The following CHN2 variants were observed in gnomAD, a reference collection of about 807,000 sequenced individuals.
CHN2 encodes chimerin 2, also known as beta-chimaerin.
CHN2 carries 35 observed loss-of-function variants against 56.3 expected under a neutral mutation model. The observed-to-expected ratio is 0.62, with a 90% CI of 0.47 to 0.82. CHN2 has a LOEUF of 0.82. Among genes scored for constraint, CHN2 ranks in the 40% least tolerant of loss-of-function variants. The pLI is 0.00. For synonymous variants in CHN2, 210 were observed against 212.8 expected, an observed-to-expected ratio of 0.99 and a Z score of 0.12; for missense variants, 491 against 580.5, an observed-to-expected ratio of 0.85 and a Z score of 1.58.
chr7:29,161,504 C>T (rs1018324197), intron 2 of CHN2, among the ~76,000 whole-genome samples: 2 of 152,148 alleles, frequency 1.3e-5, no homozygotes, highest in African/African-American at 4.8e-5. Flanking sequence ...TGTCTATTCA[C>T]TTTAACTTTT....
intron 1 of CHN2, among the ~76,000 whole-genome samples, chr7:29,260,934 TTG>T (rs1482933078): frequency 3.9e-5 from 6 of 152,216 alleles, no homozygotes; most frequent in Non-Finnish European, 8.8e-5. Flanking sequence ...ATAAGCCACT[TTG>T]CAATTGTATT....
chr7:29,397,138 GA>G (rs1801822933), intron 4 of CHN2: 1 of 152,202 alleles, frequency 6.6e-6, no homozygotes, highest in Non-Finnish European at 1.5e-5. Flanking sequence ...ACACCTTTAA[GA>G]AGCGATTTTG....
chr7:29,162,725 A>G (rs1352600225), intron 2 of CHN2, among the ~76,000 whole-genome samples: 2 of 152,100 alleles, frequency 1.3e-5, no homozygotes, highest in Admixed American at 6.6e-5. Flanking sequence ...AGGATTACAC[A>G]TTGTATGATC....
Position 29,500,009 on chromosome 7 carries a change from A to G in CHN2, c.882A>G (p.Val294=), listed in dbSNP as rs1240980993. 1 of 1,569,658 alleles carries G rather than the reference A, an allele frequency of 6.4e-7. No individual in the cohort carries two copies. The highest frequency in any genetic ancestry group is 1.2e-5 in the South Asian group (1 of 85,088). Residue 294 remains valine (V), a synonymous_variant, in exon 9 of 13, where the codon GTA becomes GTG. Transcript: ENST00000222792. ...ACAACACTCAGAGACCCATGGTGGT[A>G]GACATATGCATTCGGGAAATTGAAG... ...KAHNTQRPMV[V]DICIREIEAR...
chr7:29,359,507 G>A (rs191555958), intron 2 of CHN2, among the ~76,000 whole-genome samples: 14 of 152,194 alleles, frequency 9.2e-5, no homozygotes, highest in Non-Finnish European at 1.5e-5. Flanking sequence ...GATGCCACGG[G>A]ATGGCCTTTA....
chr7:29,470,441 A>C (rs1220784989), intron 6 of CHN2, among the ~76,000 whole-genome samples: 2 of 152,250 alleles, frequency 1.3e-5, no homozygotes, highest in Non-Finnish European at 2.9e-5. Context: ...CACTGTAAAA[A>C]GCACAGTAGG....
rs1343499348 is a variant in CHN2 at position 29,432,335 on chromosome 7, G to A, written c.576+31507G>A. Among the ~76,000 whole-genome samples, 5 of 152,156 alleles carry A rather than the reference G, an allele frequency of 3.3e-5. 1 individual carries two copies. The highest frequency in any genetic ancestry group is 1.2e-4 in the African/African-American group (5 of 41,430). On this transcript the variant is annotated intron_variant, in intron 6 of 12. Transcript: ENST00000222792. ...CCCAATAGGCTATTGGCATTCTTCA[G>A]GGGTCCAAGTTCCCACAAGGGATAG...
intron 1 of CHN2, among the ~76,000 whole-genome samples, chr7:29,311,750 T>G (rs577738533): frequency 6.6e-6 from 1 of 152,242 alleles, no homozygotes; most frequent in Non-Finnish European, 1.5e-5. Context: ...GGGGCTGGCA[T>G]GTAGGAATCT....
intron 8 of CHN2, among the ~76,000 whole-genome samples, chr7:29,496,751 A>T (rs1327805925): frequency 1.4e-4 from 22 of 152,324 alleles, no homozygotes; most frequent in Non-Finnish European, 7.3e-5. Context: ...AACAGCATAC[A>T]TCTTATTAAG....
chr7:29,301,397 G>T (rs1397042477), intron 1 of CHN2, among the ~76,000 whole-genome samples: 4 of 145,572 alleles, frequency 2.7e-5, no homozygotes, highest in Non-Finnish European at 4.5e-5. Context: ...ACAGTTTTTT[G>T]GATTCATCTG....
intron 1 of CHN2, among the ~76,000 whole-genome samples, chr7:29,292,111 T>A (rs1198592363): frequency 6.6e-6 from 1 of 152,218 alleles, no homozygotes; most frequent in Non-Finnish European, 1.5e-5. Flanking sequence ...ATCCACACTT[T>A]ATCTGTAGGA....
intron 1 of CHN2, among the ~76,000 whole-genome samples, chr7:29,329,755 G>A (rs1796078993): frequency 6.6e-6 from 1 of 152,128 alleles, no homozygotes; most frequent in Non-Finnish European, 1.5e-5. Context: ...ATATTATATT[G>A]TTTAGTCGGC....
intron 1 of CHN2, among the ~76,000 whole-genome samples, chr7:29,299,565 G>T (rs1793476638): frequency 6.6e-6 from 1 of 152,122 alleles, no homozygotes; most frequent in Non-Finnish European, 1.5e-5. Flanking sequence ...GGATGGGGAT[G>T]TCACCTTTGT....
At chr7:29,256,300 A>G (rs1294810404) in intron 1 of CHN2, among the ~76,000 whole-genome samples, 2 of 152,246 alleles carry the variant, frequency 1.3e-5, no homozygotes, top group Non-Finnish European at 1.5e-5. Flanking sequence ...ATGTGACAGT[A>G]TGAGAACACT....
intron 8 of CHN2, among the ~76,000 whole-genome samples, chr7:29,498,659 G>A (rs990946171): frequency 6.6e-6 from 1 of 151,200 alleles, no homozygotes; most frequent in African/African-American, 2.4e-5. Flanking sequence ...TAGGAAAACA[G>A]TATTAGAAGA....
intron 1 of CHN2, among the ~76,000 whole-genome samples, chr7:29,297,432 G>C (rs1001993130): frequency 6.6e-6 from 1 of 152,206 alleles, no homozygotes; most frequent in Non-Finnish European, 1.5e-5. Context: ...GGCAGTCAGA[G>C]CTCCCTCAAA....
At chr7:29,247,348 C>A (rs1250931116) in intron 1 of CHN2, among the ~76,000 whole-genome samples, 1 of 152,206 alleles carries the variant, frequency 6.6e-6, no homozygotes, top group Admixed American at 6.5e-5. Context: ...TTCCTCCCTG[C>A]CACATGTGTC....
chr7:29,180,886 T>C (rs1449026469), intron 2 of CHN2, among the ~76,000 whole-genome samples: 1 of 152,192 alleles, frequency 6.6e-6, no homozygotes, highest in East Asian at 1.9e-4. Flanking sequence ...CATGACTGCT[T>C]GCAGTGTAAT....
At chr7:29,413,461 C>T (rs995089251) in intron 6 of CHN2, among the ~76,000 whole-genome samples, 4 of 152,100 alleles carry the variant, frequency 2.6e-5, no homozygotes, top group Non-Finnish European at 5.9e-5. Flanking sequence ...ATATAAGGGA[C>T]TTTTATTATG....
Sources: gnomAD v4.1 joint callset for allele counts (sites outside exome capture counted in the v4.1 genomes callset) on GRCh38, gnomAD v4.1.1 for gene constraint, MANE v1.5 for transcripts, NCBI Gene and HGNC (gene_info 2026-07-23, HGNC 2026-07-21) for gene names.